The following TEX35 variants were observed in gnomAD, a reference collection of about 807,000 sequenced individuals.
The protein encoded by TEX35 is testis-expressed protein 35.
In TEX35, 26 loss-of-function variants were observed where a neutral mutation model predicts 31.9. The observed-to-expected ratio is 0.81, with a 90% CI of 0.60 to 1.13. The LOEUF (loss-of-function observed/expected upper bound fraction) is 1.13. Ranked by LOEUF, TEX35 falls within the 50% of genes most tolerant of loss-of-function variation. The pLI is 0.00. For synonymous variants in TEX35, 87 were observed against 90.7 expected, an observed-to-expected ratio of 0.96 and a Z score of 0.23; for missense variants, 278 against 273.5, an observed-to-expected ratio of 1.02 and a Z score of -0.12.
rs575193524 is a variant in TEX35 at position 178,520,375 on chromosome 1, A to G, written c.280A>G (p.Met94Val). The G allele has an allele frequency of 8.7e-6, 14 of 1,613,610 alleles. No individual in the cohort carries two copies. The South Asian group carries it at 1.5e-4, about 18-fold the overall frequency. ...AGTTCTGAATTCTCTCTCGAAGGAA[A>G]TGCAGAAAGATATGGATGAGAAGAT... ...LHEFVEIMKE[M>V]QKDMDEKMDI... is the part of the protein sequence containing the mutation. Residue 94 changes from methionine to valine, a missense_variant, in exon 6 of 9, where the codon ATG (methionine) becomes GTG (valine). Coordinates refer to ENST00000319416, the MANE Select transcript of TEX35 (RefSeq NM_032126.5).
At chr1:178,516,436 G>A (rs1344532411) in intron 4 of TEX35, among the ~76,000 whole-genome samples, 179 bp from the exon 5 acceptor site, 12 of 152,236 alleles carry the variant, frequency 7.9e-5, no homozygotes, top group Admixed American at 6.5e-4. Flanking sequence ...TGACTTGATG[G>A]TGCTTGCACC....
intron 4 of TEX35, 142 bp downstream of exon 4, chr1:178,516,057 T>C: frequency 1.4e-6 from 1 of 703,320 alleles, no homozygotes; most frequent in Non-Finnish European, 2.4e-6. Context: ...ACTTCAGTAT[T>C]AGGTTATTCA....
At chr1:178,520,605 G>A in intron 6 of TEX35, 68 bp from the exon 7 acceptor site, 1 of 1,593,710 alleles carries the variant, frequency 6.3e-7, no homozygotes, top group Non-Finnish European at 8.6e-7. Context: ...CCGTGTACTG[G>A]TTATCTCCTT....
chr1:178,514,556 C>A (rs571274401), intron 2 of TEX35, 144 bp from the exon 3 acceptor site: 27 of 754,674 alleles, frequency 3.6e-5, no homozygotes, highest in East Asian at 3.2e-4. Flanking sequence ...GATAGAGGAA[C>A]CTTCTGCACA....
At chr1:178,517,277 A>T (rs577205981) in intron 5 of TEX35, among the ~76,000 whole-genome samples, 23 of 152,244 alleles carry the variant, frequency 1.5e-4, no homozygotes, top group Non-Finnish European at 3.1e-4. Flanking sequence ...AAACACATGA[A>T]TGAAATGGGA....
downstream of TEX35, chr1:178,522,650 C>CT (rs60079347): frequency 0.34 from 410,786 of 1,198,244 alleles, 62,682 homozygotes; most frequent in Admixed American, 0.39. Context: ...TGGCCAAGTT[C>CT]TTTTTTTTTG....
In TEX35 at chr1:178,513,136, C is replaced by G. The variant is rs923618226; in HGVS notation, c.-53C>G. The G allele has an allele frequency of 1.6e-5, 26 of 1,595,036 alleles. No individual in the cohort carries two copies. In the African/African-American group the frequency reaches 3.4e-4, roughly 21 times the overall value. Reference sequence around the variant, plus strand: ...CCTGTAAGTTGCCTAGGACAGTGGCCTGGTCCCAGGGGCTGTTGTGGGGAG... The same window carrying G: ...CCTGTAAGTTGCCTAGGACAGTGGCGTGGTCCCAGGGGCTGTTGTGGGGAG... On this transcript the variant is annotated 5_prime_UTR_variant, in exon 1 of 9. Coordinates refer to ENST00000319416, the MANE Select transcript of TEX35 (RefSeq NM_032126.5).
chr1:178,522,096 C>T, intron 8 of TEX35: 1 of 681,336 alleles, frequency 1.5e-6, no homozygotes, highest in Non-Finnish European at 2.4e-6. Context: ...GGCCCATCCG[C>T]TCCCTCCACA....
intron 8 of TEX35, chr1:178,521,496 A>C: frequency 9.3e-7 from 1 of 1,071,836 alleles, no homozygotes; most frequent in Non-Finnish European, 1.4e-6. Flanking sequence ...CATGGTGGGG[A>C]GGGTGCACCA....
chr1:178,513,161 G>T lies in TEX35; in HGVS notation c.-28G>T, dbSNP rs1253430614. 1 of 1,613,772 alleles carries T rather than the reference G, an allele frequency of 6.2e-7. No individual in the cohort carries two copies. The highest frequency in any genetic ancestry group is 1.1e-5 in the South Asian group (1 of 91,066). On this transcript the variant is annotated 5_prime_UTR_variant, in exon 1 of 9. Transcript: ENST00000319416. ...CTGGTCCCAGGGGCTGTTGTGGGGAGTTGAAGAACACCCTGGCCTCCTCCA... is the reference window on the plus strand; with the variant it reads ...CTGGTCCCAGGGGCTGTTGTGGGGATTTGAAGAACACCCTGGCCTCCTCCA...
chr1:178,513,195 G>A lies in TEX35; in HGVS notation c.7G>A (p.Ala3Thr), dbSNP rs993470121. The change falls in exon 1 of 9, where the codon GCC (alanine) becomes ACC (threonine). Residue 3 changes from alanine to threonine, a missense_variant. Physicochemically the swap from Ala to Thr is moderately conservative, Grantham distance 58 (BLOSUM62 0). Coordinates refer to ENST00000319416, the MANE Select transcript of TEX35 (RefSeq NM_032126.5). MS[A>T]KRAELKKTHL... is the part of the protein sequence containing the mutation. Reference sequence around the variant, plus strand: ...CACCCTGGCCTCCTCCATCATGTCGGCCAAGAGGGCAGAATTGAAGAAAAC... The same window carrying A: ...CACCCTGGCCTCCTCCATCATGTCGACCAAGAGGGCAGAATTGAAGAAAAC... The A allele has an allele frequency of 6.2e-6, 10 of 1,614,180 alleles. No homozygotes were observed. Among genetic ancestry groups the A allele is most frequent in the Non-Finnish European group, 4.2e-6 (5 of 1,180,020 alleles).
At chr1:178,523,472 G>A, downstream of TEX35, 1 of 484,686 alleles carries the variant, frequency 2.1e-6, no homozygotes, top group Non-Finnish European at 3.7e-6. Context: ...GCAAATTAAT[G>A]AGCAATGTAT....
At position 178,516,517 on chromosome 1, in the gene TEX35, C is replaced by G. The variant is rs2101895014; in HGVS notation, c.217-98C>G. The G allele has an allele frequency of 6.0e-6, 6 of 997,368 alleles. No homozygotes were observed. In the South Asian group the frequency reaches 8.5e-5, roughly 14 times the overall value. 61.8% of individuals were successfully genotyped at this position (997,368 alleles called of 1,614,324 possible). On this transcript the variant is annotated intron_variant, in intron 4 of 8. Coordinates refer to ENST00000319416, the MANE Select transcript of TEX35 (RefSeq NM_032126.5). ...CCATTATTAGTCCATGCCAGAGAAG[C>G]AGCCACTGCCCTTTGCTTAAAATGC...
At chr1:178,517,043 G>A (rs1650103015) in intron 5 of TEX35, among the ~76,000 whole-genome samples, 1 of 152,178 alleles carries the variant, frequency 6.6e-6, no homozygotes, top group Non-Finnish European at 1.5e-5. Context: ...CATGTGGTGT[G>A]TTTCAGAATC....
chr1:178,521,421 A>G, intron 8 of TEX35, 157 bp downstream of exon 8: 1 of 1,053,202 alleles, frequency 9.5e-7, no homozygotes, highest in Non-Finnish European at 1.5e-6. Context: ...GCTCAGTCAT[A>G]CAGGATGTGG....
At chr1:178,521,606 T>C (rs2101898579) in intron 8 of TEX35, 1 of 1,551,228 alleles carries the variant, frequency 6.4e-7, no homozygotes, top group Non-Finnish European at 8.7e-7. Flanking sequence ...CCTTGGCTTC[T>C]GGAGCTGCCT....
chr1:178,514,162 C>T (rs1649982832), intron 2 of TEX35, 85 bp downstream of exon 2: 1 of 1,609,296 alleles, frequency 6.2e-7, no homozygotes, highest in Non-Finnish European at 8.5e-7. Context: ...ATTTGCTGAT[C>T]CTAGTGGCCA....
rs933174453 is a variant in TEX35 at position 178,520,638 on chromosome 1, CA to C, written c.342-33del. The stretch of plus-strand genomic sequence containing the variant: ...CTTGTCATGCTGCAAAATGTCTCCC[CA>C]ACTCTCTGCCCCTCCCTGGCCCTCC... On this transcript the variant is annotated intron_variant, in intron 6 of 8. Transcript: ENST00000319416. The C allele has an allele frequency of 3.7e-6, 6 of 1,606,488 alleles. No individual in the cohort carries two copies. The African/African-American group carries it at 6.7e-5, about 18-fold the overall frequency.
chr1:178,523,323 T>G (rs1196904838), downstream of TEX35: 1 of 698,598 alleles, frequency 1.4e-6, no homozygotes, highest in Admixed American at 2.0e-5. Flanking sequence ...GCAGTGGGAC[T>G]GCTGGATCTA....
Sources: gnomAD v4.1 joint callset for allele counts (sites outside exome capture counted in the v4.1 genomes callset) on GRCh38, gnomAD v4.1.1 for gene constraint, MANE v1.5 for transcripts, NCBI Gene and HGNC (gene_info 2026-07-23, HGNC 2026-07-21) for gene names.